Variants in ENOX1 observed in about 807,000 individuals in gnomAD.
The protein encoded by ENOX1 is ecto-NOX disulfide-thiol exchanger 1.
A neutral mutation model predicts 82.5 loss-of-function variants in ENOX1; 42 were observed. That is an observed-to-expected ratio of 0.51 (90% CI 0.40 to 0.66). The LOEUF is 0.66. Ranked by LOEUF, ENOX1 falls within the 30% of genes least tolerant of loss-of-function variation. The probability of loss-of-function intolerance (pLI) is 0.00; values close to 1 mark genes in which losing one functional copy is unlikely to be tolerated. For synonymous variants in ENOX1, 271 were observed against 282.2 expected (o/e 0.96, Z 0.40); for missense variants, 608 against 811.6 (o/e 0.75, Z 3.05).
chr13:43,422,478 T>G (rs2153607697), intron 3 of ENOX1, among the ~76,000 whole-genome samples: 1 of 152,302 alleles, frequency 6.6e-6, no homozygotes, highest in Middle Eastern at 3.4e-3. Context: ...CCATTATTGG[T>G]TTGTGATTAC....
intron 11 of ENOX1, among the ~76,000 whole-genome samples, chr13:43,308,213 C>T (rs149298341): frequency 2.6e-4 from 40 of 152,260 alleles, no homozygotes; most frequent in Non-Finnish European, 4.7e-4. Flanking sequence ...CAAATGTGCC[C>T]GACACAGACC....
intron 1 of ENOX1, among the ~76,000 whole-genome samples, chr13:43,746,644 A>G (rs1349350868): frequency 1.3e-5 from 2 of 152,194 alleles, no homozygotes; most frequent in Non-Finnish European, 2.9e-5. Context: ...ATATAGTTCT[A>G]AGAAAAAGTA....
In ENOX1 at chr13:43,248,484, A is replaced by G. The variant is rs183629789; in HGVS notation, c.1612-11746T>C. On this transcript the variant is annotated intron_variant, in intron 14 of 16. Coordinates refer to ENST00000690772, the MANE Select transcript of ENOX1 (RefSeq NM_001347969.2). ...CAATTTCTTTAATCTCGTAGGCTGA[A>G]GGAGGTAAGGAAGTTAATTTTTCAT... Among the ~76,000 whole-genome samples, 99 of 152,134 alleles carry G rather than the reference A, an allele frequency of 6.5e-4. 1 individual carries two copies. Among genetic ancestry groups the G allele is most frequent in the African/African-American group, 2.3e-3 (96 of 41,522 alleles).
intron 9 of ENOX1, among the ~76,000 whole-genome samples, chr13:43,344,186 G>A (rs2049236424): frequency 2.6e-5 from 4 of 152,140 alleles, no homozygotes; most frequent in Admixed American, 2.6e-4. Flanking sequence ...AGGACATAGG[G>A]GTCTGTGCGG....
intron 1 of ENOX1, among the ~76,000 whole-genome samples, chr13:43,717,940 C>T (rs996375053): frequency 6.6e-6 from 1 of 152,134 alleles, no homozygotes; most frequent in Admixed American, 6.6e-5. Flanking sequence ...GGTGGGAATA[C>T]AAACTAGTTC....
chr13:43,552,346 TAA>T (rs11398493), intron 2 of ENOX1, among the ~76,000 whole-genome samples: 34 of 117,496 alleles, frequency 2.9e-4, no homozygotes, highest in Admixed American at 4.2e-4. Flanking sequence ...GGCTCTTAAC[TAA>T]AAAAAAAAAA....
intron 1 of ENOX1, among the ~76,000 whole-genome samples, chr13:43,715,942 C>G (rs2088092685): frequency 6.6e-6 from 1 of 152,318 alleles, no homozygotes; most frequent in Non-Finnish European, 1.5e-5. Flanking sequence ...ATTGGTTTTT[C>G]TAGGTAACCA....
chr13:43,264,609 G>A (rs547840183), intron 14 of ENOX1, among the ~76,000 whole-genome samples: 1 of 152,240 alleles, frequency 6.6e-6, no homozygotes, highest in South Asian at 2.1e-4. Flanking sequence ...GTGTAATCAG[G>A]CATTCATTAT....
At chr13:43,616,130 C>CTATA (rs1566640959) in intron 2 of ENOX1, among the ~76,000 whole-genome samples, 3 of 45,684 alleles carry the variant, frequency 6.6e-5, no homozygotes, top group African/African-American at 2.6e-4. Flanking sequence ...CTATAGATAT[C>CTATA]TATCTATCTA....
chr13:43,535,239 A>C (rs1044216613), intron 2 of ENOX1, among the ~76,000 whole-genome samples: 41 of 152,202 alleles, frequency 2.7e-4, no homozygotes, highest in Non-Finnish European at 4.7e-4. Flanking sequence ...GGTGCCTGAC[A>C]CTATGTTTAG....
chr13:43,603,691 T>C (rs2081846023), intron 2 of ENOX1, among the ~76,000 whole-genome samples: 1 of 133,542 alleles, frequency 7.5e-6, no homozygotes, highest in African/African-American at 3.0e-5. Flanking sequence ...TCCAATTTCA[T>C]CCATGTCCCT....
intron 2 of ENOX1, among the ~76,000 whole-genome samples, chr13:43,521,346 T>C (rs9533518): frequency 0.14 from 21,012 of 152,098 alleles, 2,080 homozygotes; most frequent in East Asian, 0.49. Context: ...ATGACACATA[T>C]TGTGCAGGGT....
intron 1 of ENOX1, among the ~76,000 whole-genome samples, chr13:43,682,907 C>T (rs1464621458): frequency 3.9e-5 from 6 of 152,094 alleles, no homozygotes; most frequent in South Asian, 2.1e-4. Flanking sequence ...TTATGTGTTC[C>T]GCTTAGGGCC....
At position 43,213,596 on chromosome 13, in the gene ENOX1, G is replaced by A. The variant is rs1406782448; in HGVS notation, c.*394C>T. ...AAAACAGAAAGACTTTCAGGAAAATGTCATTTAATGATTTCAGCTATACAT... is the reference window on the plus strand; with the variant it reads ...AAAACAGAAAGACTTTCAGGAAAATATCATTTAATGATTTCAGCTATACAT... On this transcript the variant is annotated 3_prime_UTR_variant, in exon 17 of 17. Coordinates refer to ENST00000690772, the MANE Select transcript of ENOX1 (RefSeq NM_001347969.2). 1.1e-5 allele frequency: 1 copy of A among 89,072 alleles called. No individual in the cohort carries two copies. The highest frequency in any genetic ancestry group is 2.1e-5 in the Non-Finnish European group (1 of 48,256). The allele number at this position is 89,072 out of a possible 1,614,324, so 5.5% of individuals were successfully genotyped here.
At chr13:43,541,419 T>G (rs1485174535) in intron 2 of ENOX1, among the ~76,000 whole-genome samples, 3 of 151,958 alleles carry the variant, frequency 2.0e-5, no homozygotes, top group African/African-American at 4.8e-5. Flanking sequence ...GAAGATCACT[T>G]AGGGCCAGCA....
At chr13:43,537,876 T>C (rs1408586596) in intron 2 of ENOX1, among the ~76,000 whole-genome samples, 1 of 152,218 alleles carries the variant, frequency 6.6e-6, no homozygotes, top group African/African-American at 2.4e-5. Context: ...GGGCACCCCC[T>C]GCATCTGCCC....
At chr13:43,783,482 C>T (rs2153855484) in intron 1 of ENOX1, among the ~76,000 whole-genome samples, 1 of 152,270 alleles carries the variant, frequency 6.6e-6, no homozygotes, top group South Asian at 2.1e-4. Flanking sequence ...GGAAGACATC[C>T]TGAGACTGGG....
intron 2 of ENOX1, among the ~76,000 whole-genome samples, chr13:43,568,669 C>A (rs1038179274): frequency 7.4e-6 from 1 of 135,910 alleles, no homozygotes; most frequent in South Asian, 2.5e-4. Flanking sequence ...TTATCTAGAG[C>A]GGGTCCTACA....
chr13:43,458,827 AAC>A (rs2057339488), intron 3 of ENOX1: 2 of 152,134 alleles, frequency 1.3e-5, no homozygotes, highest in Non-Finnish European at 1.5e-5. Context: ...GAAGCTTTGA[AAC>A]ACATATGAGT....
Sources: gnomAD v4.1 joint callset for allele counts (sites outside exome capture counted in the v4.1 genomes callset) on GRCh38, gnomAD v4.1.1 for gene constraint, MANE v1.5 for transcripts, NCBI Gene and HGNC (gene_info 2026-07-23, HGNC 2026-07-21) for gene names.